The following CFAP61 variants were observed in gnomAD, a reference collection of about 807,000 sequenced individuals.
CFAP61 encodes cilia- and flagella-associated protein 61.
CFAP61 carries 107 observed loss-of-function variants against 135.6 expected under a neutral mutation model. The observed-to-expected ratio is 0.79, with a 90% CI of 0.67 to 0.93. The LOEUF is 0.93. Ranked by LOEUF, CFAP61 falls within the 40% of genes least tolerant of loss-of-function variation. The pLI, the probability that CFAP61 is intolerant of heterozygous loss-of-function variation, is 0.00. For missense variants in CFAP61, 1,507 were observed against 1,556.2 expected, an observed-to-expected ratio of 0.97 and a Z score of 0.53; for synonymous variants, 575 against 578.5, an observed-to-expected ratio of 0.99 and a Z score of 0.09.
At chr20:20,198,723 C>T (rs958672216) in intron 16 of CFAP61, among the ~76,000 whole-genome samples, 3 of 152,156 alleles carry the variant, frequency 2.0e-5, no homozygotes, top group Non-Finnish European at 4.4e-5. Context: ...GGCTAGGGTT[C>T]TGTTTTTCAG....
intron 9 of CFAP61, among the ~76,000 whole-genome samples, chr20:20,146,369 A>G (rs1896873361): frequency 6.6e-6 from 1 of 152,240 alleles, no homozygotes; most frequent in African/African-American, 2.4e-5. Flanking sequence ...TAGTTGTCTT[A>G]AATTAGTAAT....
At chr20:20,155,867 C>T (rs2052860071) in intron 9 of CFAP61, among the ~76,000 whole-genome samples, 1 of 152,116 alleles carries the variant, frequency 6.6e-6, no homozygotes, top group Admixed American at 6.5e-5. Context: ...ATGGAGATTC[C>T]TTAAAGAATT....
chr20:20,181,777 T>G (rs1214730465), intron 13 of CFAP61, among the ~76,000 whole-genome samples: 1 of 152,200 alleles, frequency 6.6e-6, no homozygotes, highest in Non-Finnish European at 1.5e-5. Flanking sequence ...CTTGCACCCT[T>G]GGGAAAAGAA....
Position 20,222,287 on chromosome 20 carries a change from T to C in CFAP61, c.1933-5962T>C, listed in dbSNP as rs2146937244. The stretch of plus-strand genomic sequence containing the variant: ...ATAGGGAATATGGGTATATGAGGGA[T>C]TGAGACAGATGGAGTTGAAAAGAGA... On this transcript the variant is annotated intron_variant, in intron 17 of 26. Coordinates refer to ENST00000245957, the MANE Select transcript of CFAP61 (RefSeq NM_015585.4). Among the ~76,000 whole-genome samples, 2 of 152,158 alleles carry C rather than the reference T, an allele frequency of 1.3e-5. 1 individual carries two copies. The highest frequency in any genetic ancestry group is 4.2e-4 in the South Asian group (2 of 4,814).
chr20:20,132,335 C>T (rs1027301517), intron 8 of CFAP61, among the ~76,000 whole-genome samples: 2 of 151,872 alleles, frequency 1.3e-5, no homozygotes, highest in Non-Finnish European at 2.9e-5. Flanking sequence ...AGGATATCCT[C>T]GTTTTTTGTT....
At chr20:20,070,592 G>A (rs1027816270) in intron 2 of CFAP61, among the ~76,000 whole-genome samples, 1 of 152,074 alleles carries the variant, frequency 6.6e-6, no homozygotes, top group Non-Finnish European at 1.5e-5. Flanking sequence ...AGTCTCCAAG[G>A]GAAAGATAGT....
chr20:20,131,665 C>A (rs1217348715), intron 8 of CFAP61, among the ~76,000 whole-genome samples: 2 of 151,364 alleles, frequency 1.3e-5, no homozygotes, highest in Non-Finnish European at 2.9e-5. Flanking sequence ...CTTTTGTATT[C>A]CTGGGCTTAT....
chr20:20,351,044 A>G (rs1395792300), intron 26 of CFAP61, among the ~76,000 whole-genome samples: 1 of 152,242 alleles, frequency 6.6e-6, no homozygotes, highest in African/African-American at 2.4e-5. Flanking sequence ...TAAGATCAGG[A>G]ACAAGACAAG....
chr20:20,073,281 T>G (rs2045847159), intron 3 of CFAP61, among the ~76,000 whole-genome samples: 1 of 152,240 alleles, frequency 6.6e-6, no homozygotes, highest in Non-Finnish European at 1.5e-5. Flanking sequence ...TTATCTGGAC[T>G]TTTGGGATTT....
chr20:20,235,109 C>T (rs1474093325), intron 18 of CFAP61, among the ~76,000 whole-genome samples: 1 of 152,074 alleles, frequency 6.6e-6, no homozygotes, highest in Admixed American at 6.5e-5. Context: ...CTGGGGGAGC[C>T]GGAGGTGCTT....
chr20:20,141,080 G>A (rs1166035507), intron 8 of CFAP61, among the ~76,000 whole-genome samples: 7 of 152,000 alleles, frequency 4.6e-5, no homozygotes, highest in Middle Eastern at 3.4e-3. Context: ...CACCATGCCC[G>A]GCTATGTTTT....
chr20:20,207,144 C>A (rs1296155113), intron 17 of CFAP61, among the ~76,000 whole-genome samples: 1 of 152,224 alleles, frequency 6.6e-6, no homozygotes, highest in Non-Finnish European at 1.5e-5. Context: ...ACTCAGCAGC[C>A]TCTTGTGGTC....
At chr20:20,087,796 T>A (rs2046911982) in intron 6 of CFAP61, among the ~76,000 whole-genome samples, 1 of 152,100 alleles carries the variant, frequency 6.6e-6, no homozygotes. Context: ...AGGTCACAGC[T>A]GGGCAGAAGC....
At chr20:20,160,820 G>A (rs1468645578) in intron 10 of CFAP61, among the ~76,000 whole-genome samples, 2 of 152,204 alleles carry the variant, frequency 1.3e-5, no homozygotes, top group African/African-American at 4.8e-5. Context: ...TTTGCAGCAG[G>A]GCAGGCTGTT....
At chr20:20,310,119 T>C (rs2056735305) in intron 25 of CFAP61, among the ~76,000 whole-genome samples, 1 of 152,120 alleles carries the variant, frequency 6.6e-6, no homozygotes, top group Non-Finnish European at 1.5e-5. Flanking sequence ...CTCAGTCTCC[T>C]GAGTAGCTGG....
At chr20:20,294,256 A>T (rs1292885728) in intron 24 of CFAP61, among the ~76,000 whole-genome samples, 1 of 152,204 alleles carries the variant, frequency 6.6e-6, no homozygotes, top group Non-Finnish European at 1.5e-5. Flanking sequence ...TTGCAGCAAG[A>T]GTTCTGGGCT....
At chr20:20,358,841 G>A (rs2059370746) in intron 26 of CFAP61, among the ~76,000 whole-genome samples, 1 of 152,138 alleles carries the variant, frequency 6.6e-6, no homozygotes, top group Non-Finnish European at 1.5e-5. Context: ...AACCCTGCAA[G>A]GAATTGCCTT....
intron 8 of CFAP61, among the ~76,000 whole-genome samples, chr20:20,101,750 C>T (rs1158489081): frequency 6.6e-6 from 1 of 151,988 alleles, no homozygotes; most frequent in Non-Finnish European, 1.5e-5. Context: ...CTCAGCCTCC[C>T]CAGTAGCTGA....
chr20:20,308,171 T>C (rs767238124), intron 25 of CFAP61, among the ~76,000 whole-genome samples: 1 of 152,174 alleles, frequency 6.6e-6, no homozygotes, highest in Non-Finnish European at 1.5e-5. Context: ...AAAGCTGTGT[T>C]GGACAGTGCT....
Sources: gnomAD v4.1 joint callset for allele counts (sites outside exome capture counted in the v4.1 genomes callset) on GRCh38, gnomAD v4.1.1 for gene constraint, MANE v1.5 for transcripts, NCBI Gene and HGNC (gene_info 2026-07-23, HGNC 2026-07-21) for gene names.